ZRANB3: variants seen among roughly 807,000 people sequenced by gnomAD.
ZRANB3 encodes DNA annealing helicase and endonuclease ZRANB3.
A neutral mutation model predicts 133.8 loss-of-function variants in ZRANB3; 125 were observed. That is an observed-to-expected ratio of 0.93 (90% CI 0.81 to 1.08). The LOEUF is 1.08. ZRANB3 is among the 50% of genes least tolerant of loss of function. ZRANB3 has a pLI of 0.00. For missense variants in ZRANB3, 1,229 were observed against 1,275.5 expected, an observed-to-expected ratio of 0.96 and a Z score of 0.56; for synonymous variants, 387 against 432.7, an observed-to-expected ratio of 0.89 and a Z score of 1.31.
intron 8 of ZRANB3, among the ~76,000 whole-genome samples, chr2:135,312,125 T>TTTA (rs1220262782): frequency 2.9e-5 from 4 of 138,916 alleles, no homozygotes; most frequent in East Asian, 2.1e-4. Flanking sequence ...ATTTTTTTAT[T>TTTA]TTATTTTATT....
intron 1 of ZRANB3, among the ~76,000 whole-genome samples, chr2:135,521,586 T>A (rs539280186): frequency 6.6e-6 from 1 of 152,108 alleles, no homozygotes; most frequent in Admixed American, 6.5e-5. Context: ...ACAGAAGGTA[T>A]TGGGTAAACA....
chr2:135,357,420 C>G (rs1008177119), intron 3 of ZRANB3, among the ~76,000 whole-genome samples: 1 of 152,040 alleles, frequency 6.6e-6, no homozygotes, highest in Non-Finnish European at 1.5e-5. Context: ...CTCAGCCTCC[C>G]GAGTAGCTGG....
chr2:135,489,855 A>G (rs115386449), intron 2 of ZRANB3, among the ~76,000 whole-genome samples: 1,570 of 152,250 alleles, frequency 0.01, 25 homozygotes, highest in African/African-American at 0.036. Flanking sequence ...ATCAACAAAT[A>G]TAAGCATATT....
At chr2:135,234,868 A>G (rs1397125572) in intron 12 of ZRANB3, among the ~76,000 whole-genome samples, 1 of 152,202 alleles carries the variant, frequency 6.6e-6, no homozygotes, top group Non-Finnish European at 1.5e-5. Flanking sequence ...CTAACATCAC[A>G]ATTAAAAGAA....
intron 2 of ZRANB3, among the ~76,000 whole-genome samples, chr2:135,473,335 T>A (rs1384751937): frequency 2.0e-5 from 3 of 152,124 alleles, no homozygotes; most frequent in African/African-American, 7.2e-5. Flanking sequence ...AATAAACATA[T>A]GCAAACATAC....
intron 1 of ZRANB3, among the ~76,000 whole-genome samples, chr2:135,510,198 TAA>T (rs1693386219): frequency 6.6e-6 from 1 of 152,148 alleles, no homozygotes; most frequent in Non-Finnish European, 1.5e-5. Context: ...CAAATGTCAG[TAA>T]TACGCAAGAC....
intron 3 of ZRANB3, among the ~76,000 whole-genome samples, chr2:135,371,489 C>T (rs996470261): frequency 2.0e-5 from 3 of 152,142 alleles, no homozygotes; most frequent in African/African-American, 4.8e-5. Flanking sequence ...CTTTTCATTT[C>T]GAATTTTGTC....
intron 2 of ZRANB3, among the ~76,000 whole-genome samples, chr2:135,426,775 C>T (rs539360145): frequency 2.1e-4 from 27 of 129,408 alleles, no homozygotes; most frequent in African/African-American, 8.0e-4. Flanking sequence ...GAGCTTGCAG[C>T]GAGCCAAGAT....
rs542126998 is a variant in ZRANB3, at chr2:135,403,280, T to C, written c.162-12460A>G. On this transcript the variant is annotated intron_variant, in intron 2 of 20. Transcript: ENST00000264159. ...TAATACTGTGCTTTTCTAACGGTCT[T>C]AGCAAATGGCACACCAGGAGATTAT... Among the ~76,000 whole-genome samples, 17 of 152,212 alleles carry C rather than the reference T, an allele frequency of 1.1e-4. No homozygotes were observed. The South Asian group carries it at 3.5e-3, about 32-fold the overall frequency.
chr2:135,404,676 A>C (rs1352636784), intron 2 of ZRANB3, among the ~76,000 whole-genome samples: 6 of 152,214 alleles, frequency 3.9e-5, no homozygotes, highest in Admixed American at 1.3e-4. Flanking sequence ...GAAATGAAGG[A>C]AAAAATGTTA....
intron 2 of ZRANB3, among the ~76,000 whole-genome samples, chr2:135,466,468 G>A (rs115982056): frequency 2.2e-4 from 33 of 151,306 alleles, no homozygotes; most frequent in African/African-American, 6.3e-4. Context: ...TTGGAGAGGC[G>A]AGGATCATGT....
At chr2:135,321,851 T>C (rs953258929) in intron 6 of ZRANB3, among the ~76,000 whole-genome samples, 2 of 152,196 alleles carry the variant, frequency 1.3e-5, no homozygotes, top group South Asian at 2.1e-4. Flanking sequence ...TTATCAAATA[T>C]GTAGTTTACA....
At chr2:135,352,104 G>A (rs1187344837) in intron 4 of ZRANB3, among the ~76,000 whole-genome samples, 1 of 152,014 alleles carries the variant, frequency 6.6e-6, no homozygotes, top group Non-Finnish European at 1.5e-5. Context: ...GGCTGAGGTG[G>A]GTGGATCACC....
chr2:135,272,635 C>G (rs936429463), intron 9 of ZRANB3, among the ~76,000 whole-genome samples: 16 of 151,664 alleles, frequency 1.1e-4, no homozygotes, highest in Admixed American at 6.6e-4. Flanking sequence ...GGATGGTCTC[C>G]ATCTCCTGAC....
intron 2 of ZRANB3, among the ~76,000 whole-genome samples, chr2:135,396,254 G>T (rs568307365): frequency 6.6e-6 from 1 of 152,138 alleles, no homozygotes. Context: ...CAATTTGGAG[G>T]TTCCTCACAA....
At chr2:135,454,582 C>T (rs147694865) in intron 2 of ZRANB3, among the ~76,000 whole-genome samples, 1 of 152,266 alleles carries the variant, frequency 6.6e-6, no homozygotes, top group African/African-American at 2.4e-5. Flanking sequence ...TCATCCCTCA[C>T]CCCCTTCCCA....
chr2:135,526,461 A>G (rs976169283), intron 1 of ZRANB3, among the ~76,000 whole-genome samples: 1 of 152,004 alleles, frequency 6.6e-6, no homozygotes, highest in Non-Finnish European at 1.5e-5. Context: ...AATGAGCCCA[A>G]CCTGATTTTT....
chr2:135,389,876 CTTTTTTTTTT>C (rs1165827390), intron 3 of ZRANB3, among the ~76,000 whole-genome samples: 13 of 102,334 alleles, frequency 1.3e-4, no homozygotes. Flanking sequence ...TGCTGTTATT[CTTTTTTTTTT>C]TTTTTTTTTT....
At chr2:135,479,176 T>C (rs1386477714) in intron 2 of ZRANB3, among the ~76,000 whole-genome samples, 3 of 152,102 alleles carry the variant, frequency 2.0e-5, no homozygotes, top group African/African-American at 7.2e-5. Context: ...TGTTCTTATA[T>C]ATGCATATCT....
Sources: allele counts gnomAD v4.1 joint callset (sites outside exome capture counted in the v4.1 genomes callset), GRCh38; gene constraint gnomAD v4.1.1; transcripts MANE v1.5; gene names NCBI Gene and HGNC (gene_info 2026-07-23, HGNC 2026-07-21).